DCHS2: variants seen among roughly 807,000 people sequenced by gnomAD.
DCHS2 encodes the protein protocadherin-23.
A neutral mutation model predicts 182.4 loss-of-function variants in DCHS2; 142 were observed. The ratio of observed to expected loss-of-function variants is 0.78; its 90% CI spans 0.68 to 0.89. DCHS2 has a LOEUF of 0.89. DCHS2 is among the 40% of genes least tolerant of loss of function. DCHS2 has a pLI of 0.00. For synonymous variants in DCHS2, 1,740 were observed against 1,663.3 expected (o/e 1.05, Z -1.12); for missense variants, 4,319 against 4,198.6 (o/e 1.03, Z -0.79).
chr4:154,305,096 C>T lies in DCHS2; in HGVS notation c.5395+1G>A. 6.2e-7 allele frequency: 1 copy of T among 1,603,842 alleles called. No individual in the cohort carries two copies. The highest frequency in any genetic ancestry group is 8.5e-7 in the Non-Finnish European group (1 of 1,177,350). ...TTTAGCCTACTCAAAGAATCCCTTA[C>T]CTCGAAGGGTGAAGACTTCTTGAAT... On this transcript the variant is annotated splice_donor_variant, in intron 11 of 19. Coordinates refer to ENST00000357232, the MANE Select transcript of DCHS2 (RefSeq NM_001358235.2). LOFTEE classifies it high-confidence loss of function.
intron 16 of DCHS2, among the ~76,000 whole-genome samples, chr4:154,251,914 T>TAAAC (rs762304563): frequency 6.6e-6 from 1 of 152,200 alleles, no homozygotes; most frequent in Admixed American, 6.5e-5. Flanking sequence ...TGTATATTCA[T>TAAAC]AAACATCAAA....
chr4:154,253,519 C>T (rs1388571443), intron 16 of DCHS2, among the ~76,000 whole-genome samples: 2 of 152,156 alleles, frequency 1.3e-5, no homozygotes, highest in Non-Finnish European at 2.9e-5. Flanking sequence ...TTTGTAATCA[C>T]TCAATTAGAT....
rs1013348193 is a variant in DCHS2, at chr4:154,261,106, G to A, written c.6578-1350C>T. Among the ~76,000 whole-genome samples, 18 of 152,084 alleles carry A rather than the reference G, an allele frequency of 1.2e-4. 3 individuals carry two copies. Among genetic ancestry groups the A allele is most frequent in the Admixed American group, 7.9e-4 (12 of 15,276 alleles). On this transcript the variant is annotated intron_variant, in intron 14 of 19. Coordinates refer to ENST00000357232, the MANE Select transcript of DCHS2 (RefSeq NM_001358235.2). ...GAGTTTCTGAATGAACACTAATTTG[G>A]AGTTAGAGAAACCTGAAACCAGGCA...
chr4:154,280,603 A>G (rs989052392), intron 13 of DCHS2, among the ~76,000 whole-genome samples: 1 of 152,168 alleles, frequency 6.6e-6, no homozygotes, highest in African/African-American at 2.4e-5. Context: ...CACCACATCA[A>G]CAGAACAAAA....
chr4:154,275,884 T>A (rs186221604), intron 13 of DCHS2, among the ~76,000 whole-genome samples: 1 of 152,092 alleles, frequency 6.6e-6, no homozygotes, highest in Non-Finnish European at 1.5e-5. Context: ...AAAGGAACAA[T>A]CCTATTTTTG....
intron 2 of DCHS2, 47 bp from the exon 3 acceptor site, chr4:154,366,488 C>A: frequency 7.9e-7 from 1 of 1,271,794 alleles, no homozygotes; most frequent in South Asian, 1.2e-5. Context: ...TTGCTGAACA[C>A]TAGGATGTAG....
intron 1 of DCHS2, among the ~76,000 whole-genome samples, chr4:154,449,141 G>A (rs62330364): frequency 0.13 from 19,139 of 151,382 alleles, 1,370 homozygotes; most frequent in Middle Eastern, 0.24. Context: ...CTGCCCCTTC[G>A]CACCCTGGCT....
intron 1 of DCHS2, among the ~76,000 whole-genome samples, chr4:154,468,675 A>G (rs768856692): frequency 1.3e-5 from 2 of 152,196 alleles, no homozygotes; most frequent in Non-Finnish European, 2.9e-5. Flanking sequence ...TTTCTCCTAA[A>G]ATAAAAATCC....
At chr4:154,451,910 A>C (rs1734552663) in intron 1 of DCHS2, among the ~76,000 whole-genome samples, 1 of 152,190 alleles carries the variant, frequency 6.6e-6, no homozygotes, top group Non-Finnish European at 1.5e-5. Context: ...AAATACTTGA[A>C]GATAATTGTG....
intron 3 of DCHS2, among the ~76,000 whole-genome samples, chr4:154,359,214 C>T (rs1193667393): frequency 6.6e-6 from 1 of 151,880 alleles, no homozygotes; most frequent in African/African-American, 2.4e-5. Context: ...TACCAATTAT[C>T]ATATATAATG....
chr4:154,333,046 C>A lies in DCHS2; in HGVS notation c.3162G>T (p.Arg1054Ser). Residue 1054 changes from arginine (R) to serine (S), a missense_variant, in exon 5 of 20, where the codon AGG becomes AGT. Arg to Ser is a moderately radical substitution (Grantham distance 110). Transcript: ENST00000357232. ...GAGGATGCACGCCTTGGTCCTCGGC[C>A]CTGAGAGTCAGCGTGAGCTCCCGCT... Reference protein sequence around the residue: ...GEQRELTLTLRAEDQGVHPQA... With the variant: ...GEQRELTLTLSAEDQGVHPQA... 3 of 1,614,094 alleles carry A rather than the reference C, an allele frequency of 1.9e-6. No homozygotes were observed. Among genetic ancestry groups the A allele is most frequent in the Non-Finnish European group, 2.5e-6 (3 of 1,179,980 alleles).
Position 154,332,529 on chromosome 4 carries a change from A to T in DCHS2, c.3679T>A (p.Leu1227Ile). Reference sequence around the variant, plus strand: ...TTTCCATCAGACAAAAGGAAATATAATAGCTGTCCATTCTTTCCAGAGTCC... The same window carrying T: ...TTTCCATCAGACAAAAGGAAATATATTAGCTGTCCATTCTTTCCAGAGTCC... ...DMDSGKNGQL[L>I]YFLLSDGKFF... The change falls in exon 5 of 20, where the codon TTA becomes ATA. Residue 1227 changes from leucine to isoleucine, a missense_variant. Coordinates refer to ENST00000357232, the MANE Select transcript of DCHS2 (RefSeq NM_001358235.2). The T allele has an allele frequency of 6.2e-7, 1 of 1,614,176 alleles. No individual in the cohort carries two copies. The highest frequency in any genetic ancestry group is 8.5e-7 in the Non-Finnish European group (1 of 1,180,010).
At chr4:154,312,970 G>T (rs1328625312) in intron 10 of DCHS2, among the ~76,000 whole-genome samples, 2 of 152,160 alleles carry the variant, frequency 1.3e-5, no homozygotes, top group African/African-American at 4.8e-5. Flanking sequence ...GTAGACTTAG[G>T]CGGTGCAGTT....
chr4:154,416,054 T>C (rs1052514995), intron 1 of DCHS2, among the ~76,000 whole-genome samples: 7 of 152,158 alleles, frequency 4.6e-5, no homozygotes, highest in Non-Finnish European at 8.8e-5. Context: ...TGGAGATGAG[T>C]ACTCAAAACT....
At chr4:154,240,417 A>C (rs146078918) in intron 18 of DCHS2, 120 bp downstream of exon 18, 2 of 1,207,932 alleles carry the variant, frequency 1.7e-6, no homozygotes, top group East Asian at 2.6e-5. Flanking sequence ...GCGTTAACTT[A>C]GGCACTACAA....
chr4:154,431,695 A>T (rs1238092901), intron 1 of DCHS2, among the ~76,000 whole-genome samples: 3 of 152,184 alleles, frequency 2.0e-5, no homozygotes, highest in Non-Finnish European at 4.4e-5. Flanking sequence ...GGACATAGGG[A>T]TATCATGATT....
chr4:154,278,522 C>T (rs1445535272), intron 13 of DCHS2, among the ~76,000 whole-genome samples: 1 of 151,684 alleles, frequency 6.6e-6, no homozygotes, highest in Admixed American at 6.6e-5. Context: ...ATTCATGATA[C>T]TTAAAGGACT....
In DCHS2 at chr4:154,440,631, T is replaced by C. The variant is rs112659314; in HGVS notation, c.2052+48673A>G. 6.9e-3 allele frequency among the ~76,000 whole-genome samples: 1,050 copies of C among 152,286 alleles called. 16 individuals are homozygous for C. The highest frequency in any genetic ancestry group is 0.024 in the African/African-American group (1,006 of 41,556). On this transcript the variant is annotated intron_variant, in intron 1 of 19. Transcript: ENST00000357232. ...AAGTTTTGCCCCTGCTAACAATTCA[T>C]AGACCAAAATGAAATTCTAAGAAAG...
At chr4:154,299,098 A>C (rs935788053) in intron 12 of DCHS2, among the ~76,000 whole-genome samples, 15 of 152,230 alleles carry the variant, frequency 9.9e-5, no homozygotes, top group African/African-American at 3.4e-4. Flanking sequence ...GGATAAAAAA[A>C]ACAGAATATA....
Sources: allele counts gnomAD v4.1 joint callset (sites outside exome capture counted in the v4.1 genomes callset), GRCh38; gene constraint gnomAD v4.1.1; transcripts MANE v1.5; gene names NCBI Gene and HGNC (gene_info 2026-07-23, HGNC 2026-07-21).